Variants in PTPN4 observed in about 807,000 individuals in gnomAD.
PTPN4 encodes tyrosine-protein phosphatase non-receptor type 4.
A neutral mutation model predicts 135.5 loss-of-function variants in PTPN4; 49 were observed. The ratio of observed to expected loss-of-function variants is 0.36; its 90% CI spans 0.29 to 0.46. The LOEUF (loss-of-function observed/expected upper bound fraction) is 0.46. Ranked by LOEUF, PTPN4 falls within the 20% of genes least tolerant of loss-of-function variation. The pLI is 1.00. For missense variants in PTPN4, 860 were observed against 1,101.0 expected, an observed-to-expected ratio of 0.78 and a Z score of 3.10; for synonymous variants, 333 against 369.9, an observed-to-expected ratio of 0.90 and a Z score of 1.14.
At chr2:119,910,234 ATTACTCTGATTTT>A (rs1275303687) in intron 10 of PTPN4, among the ~76,000 whole-genome samples, 1 of 152,104 alleles carries the variant, frequency 6.6e-6, no homozygotes, top group African/African-American at 2.4e-5. Flanking sequence ...TTTTTTATAA[ATTACTCTGATTTT>A]TTATTATACA....
intron 14 of PTPN4, among the ~76,000 whole-genome samples, chr2:119,934,319 T>C (rs757448685): frequency 8.5e-5 from 13 of 152,154 alleles, no homozygotes; most frequent in Non-Finnish European, 1.5e-4. Context: ...AATACTGAAA[T>C]ATTGTAATTA....
intron 2 of PTPN4, among the ~76,000 whole-genome samples, chr2:119,841,590 G>T (rs113902826): frequency 6.6e-6 from 1 of 152,156 alleles, no homozygotes. Flanking sequence ...AGTACTAATA[G>T]TATAGTTGCT....
chr2:119,885,531 A>G (rs1678143161), intron 8 of PTPN4, among the ~76,000 whole-genome samples: 1 of 152,212 alleles, frequency 6.6e-6, no homozygotes, highest in Non-Finnish European at 1.5e-5. Context: ...GGGTTTTGTT[A>G]CAGTCACCCA....
At chr2:119,848,579 C>T (rs1256487790) in intron 2 of PTPN4, among the ~76,000 whole-genome samples, 1 of 151,750 alleles carries the variant, frequency 6.6e-6, no homozygotes, top group Non-Finnish European at 1.5e-5. Flanking sequence ...TTGCATATCT[C>T]TGAGGCTCTT....
chr2:119,884,289 G>A (rs1332851971), intron 8 of PTPN4, among the ~76,000 whole-genome samples: 1 of 152,158 alleles, frequency 6.6e-6, no homozygotes, highest in Admixed American at 6.5e-5. Context: ...AGCATTTTGT[G>A]GCATGTGAAA....
At chr2:119,768,533 C>T (rs1000874320) in intron 1 of PTPN4, among the ~76,000 whole-genome samples, 2 of 152,206 alleles carry the variant, frequency 1.3e-5, no homozygotes, top group Non-Finnish European at 2.9e-5. Flanking sequence ...CACACTGATA[C>T]AACCAATTCC....
intron 2 of PTPN4, among the ~76,000 whole-genome samples, chr2:119,857,712 C>T (rs1345577048): frequency 1.3e-5 from 2 of 151,768 alleles, no homozygotes; most frequent in African/African-American, 4.8e-5. Context: ...TTAAATTTTT[C>T]TGAGAATATT....
chr2:119,961,077 C>A, intron 23 of PTPN4, 124 bp downstream of exon 23: 1 of 1,206,052 alleles, frequency 8.3e-7, no homozygotes, highest in Non-Finnish European at 1.1e-6. Flanking sequence ...CTTGTGGTTT[C>A]TTGTTTTAAA....
intron 2 of PTPN4, among the ~76,000 whole-genome samples, chr2:119,838,724 A>C (rs1007390250): frequency 1.3e-5 from 2 of 152,316 alleles, no homozygotes; most frequent in Middle Eastern, 3.4e-3. Context: ...CTTGTTCTCT[A>C]GCTGGTCCTC....
At position 119,951,984 on chromosome 2, in the gene PTPN4, T is replaced by C; in HGVS notation, c.1668T>C (p.Cys556=). The C allele has an allele frequency of 6.2e-7, 1 of 1,609,632 alleles. No individual in the cohort carries two copies. Among genetic ancestry groups the C allele is most frequent in the Non-Finnish European group, 8.5e-7 (1 of 1,177,716 alleles). The change falls in exon 19 of 27, where the codon TGT becomes TGC. Residue 556 remains cysteine, a synonymous_variant. Coordinates refer to ENST00000263708, the MANE Select transcript of PTPN4 (RefSeq NM_002830.4). ...ATATTATATTACAGGCTGACCTCTG[T>C]GTCCCTAGACTGAATGAAGGGGACC... is the stretch of plus-strand genomic sequence containing the variant. The part of the protein sequence containing the change: ...RVAPGTPADL[C]VPRLNEGDQV...
At chr2:119,860,136 C>A (rs1000331226) in intron 2 of PTPN4, among the ~76,000 whole-genome samples, 2 of 152,146 alleles carry the variant, frequency 1.3e-5, no homozygotes, top group South Asian at 4.1e-4. Context: ...ACCTTAGTAG[C>A]TTTTAAAAAA....
At chr2:119,918,595 A>C (rs1364557637) in intron 11 of PTPN4, among the ~76,000 whole-genome samples, 1 of 152,204 alleles carries the variant, frequency 6.6e-6, no homozygotes, top group African/African-American at 2.4e-5. Context: ...CAGAATAGTA[A>C]GGGGAAAGAG....
intron 1 of PTPN4, among the ~76,000 whole-genome samples, chr2:119,774,365 T>G (rs1413670591): frequency 1.3e-5 from 2 of 152,190 alleles, no homozygotes; most frequent in Non-Finnish European, 2.9e-5. Context: ...AAAGACCATT[T>G]TTTTGTTTTG....
chr2:119,907,498 G>A (rs376616003), intron 10 of PTPN4, among the ~76,000 whole-genome samples: 3 of 152,060 alleles, frequency 2.0e-5, no homozygotes, highest in Admixed American at 6.6e-5. Context: ...TAGCTACTCC[G>A]GAAGCTGAGG....
chr2:119,943,580 C>CTTTGTTTTTTTTTTT (rs1679089771), intron 15 of PTPN4, among the ~76,000 whole-genome samples: 1 of 79,918 alleles, frequency 1.3e-5, no homozygotes, highest in Non-Finnish European at 2.2e-5. Context: ...TCATTTTTTT[C>CTTTGTTTTTTTTTTT]TTTTTTTTTT....
intron 14 of PTPN4, among the ~76,000 whole-genome samples, chr2:119,933,110 C>T (rs78518137): frequency 0.024 from 3,659 of 152,152 alleles, 65 homozygotes; most frequent in Non-Finnish European, 0.033. Flanking sequence ...TGACATTGCT[C>T]ACAAAAGTTG....
intron 24 of PTPN4, 24 bp downstream of exon 24, chr2:119,962,768 A>G: frequency 6.5e-7 from 1 of 1,527,526 alleles, no homozygotes. Context: ...ATATCTGTTC[A>G]TTAGAACTGT....
chr2:119,910,812 C>T (rs1034286792), intron 10 of PTPN4, among the ~76,000 whole-genome samples: 1 of 152,152 alleles, frequency 6.6e-6, no homozygotes, highest in Non-Finnish European at 1.5e-5. Flanking sequence ...GTCTCCCCAG[C>T]CAGGCTGAAC....
Position 119,983,180 on chromosome 2 carries a change from C to G in PTPN4, c.*6110C>G, listed in dbSNP as rs1319839056. On this transcript the variant is annotated 3_prime_UTR_variant, in exon 27 of 27. Coordinates refer to ENST00000263708, the MANE Select transcript of PTPN4 (RefSeq NM_002830.4). ...GGATTGGTGTCAGGCTCTCTCAACC[C>G]TGGGAGTTTCCAAAATTTAGCAAAT... is the stretch of plus-strand genomic sequence containing the variant. 6.6e-6 allele frequency: 1 copy of G among 152,168 alleles called. No homozygotes were observed. Among genetic ancestry groups the G allele is most frequent in the East Asian group, 1.9e-4 (1 of 5,202 alleles). 9.4% of individuals were successfully genotyped at this position (152,168 alleles called of 1,614,324 possible). A position where few individuals can be genotyped will look rare whatever the true frequency, so the allele number is the denominator to read the frequency against.
Sources: allele counts gnomAD v4.1 joint callset (sites outside exome capture counted in the v4.1 genomes callset), GRCh38; gene constraint gnomAD v4.1.1; transcripts MANE v1.5; gene names NCBI Gene and HGNC (gene_info 2026-07-23, HGNC 2026-07-21).